The following RALA variants were observed in gnomAD, a reference collection of about 807,000 sequenced individuals.
RALA encodes the protein ras-related protein Ral-A.
RALA carries 5 observed loss-of-function variants against 24.0 expected under a neutral mutation model. That is an observed-to-expected ratio of 0.21 (90% CI 0.11 to 0.44). The LOEUF (loss-of-function observed/expected upper bound fraction) is 0.44. Among genes scored for constraint, RALA ranks in the 20% least tolerant of loss-of-function variants. The pLI, the probability that RALA is intolerant of heterozygous loss-of-function variation, is 0.99. For missense variants in RALA, 95 were observed against 241.2 expected, an observed-to-expected ratio of 0.39 and a Z score of 4.01; for synonymous variants, 77 against 83.8, an observed-to-expected ratio of 0.92 and a Z score of 0.44.
chr7:39,663,402 T>G (rs1487409468), intron 1 of RALA, among the ~76,000 whole-genome samples: 2 of 152,190 alleles, frequency 1.3e-5, no homozygotes, highest in Admixed American at 6.5e-5. Flanking sequence ...GTGTGAGCAG[T>G]TCATCTCTCC....
At chr7:39,636,250 A>C (rs956712422) in intron 1 of RALA, among the ~76,000 whole-genome samples, 3 of 152,180 alleles carry the variant, frequency 2.0e-5, no homozygotes, top group African/African-American at 7.2e-5. Flanking sequence ...TGGGTCGTAT[A>C]ATAACTCCCA....
At chr7:39,689,820 G>A (rs962734092) in intron 2 of RALA, among the ~76,000 whole-genome samples, 7 of 152,138 alleles carry the variant, frequency 4.6e-5, no homozygotes, top group Non-Finnish European at 1.0e-4. Flanking sequence ...GAGATTTATG[G>A]GGCTGACGAT....
At chr7:39,699,156 C>T (rs1394196563) in intron 4 of RALA, among the ~76,000 whole-genome samples, 10 of 69,758 alleles carry the variant, frequency 1.4e-4, no homozygotes, top group African/African-American at 5.0e-4. Flanking sequence ...TTTTTTGAGA[C>T]GGAGTCTCGC....
In RALA at chr7:39,707,395, C is replaced by A. The variant is rs1793136712; in HGVS notation, c.*1150C>A. Reference sequence around the variant, plus strand: ...GATACAGGAATTATTAGGAGTAATTCTTTTCTGTTTCTGTTTATAATGAAG... The same window carrying A: ...GATACAGGAATTATTAGGAGTAATTATTTTCTGTTTCTGTTTATAATGAAG... On this transcript the variant is annotated 3_prime_UTR_variant, in exon 5 of 5. Coordinates refer to ENST00000005257, the MANE Select transcript of RALA (RefSeq NM_005402.4). The A allele has an allele frequency of 6.6e-6, 1 of 152,136 alleles. No homozygotes were observed. The highest frequency in any genetic ancestry group is 2.4e-5 in the African/African-American group (1 of 41,414). The allele number at this position is 152,136 out of a possible 1,614,324, so 9.4% of individuals were successfully genotyped here. A position where few individuals can be genotyped will look rare whatever the true frequency, so the allele number is the denominator to read the frequency against.
chr7:39,647,040 G>A (rs2115958007), intron 1 of RALA, among the ~76,000 whole-genome samples: 1 of 152,128 alleles, frequency 6.6e-6, no homozygotes, highest in African/African-American at 2.4e-5. Flanking sequence ...CTTATGAACA[G>A]ATTCTTATTT....
chr7:39,665,561 G>T (rs898288351), intron 1 of RALA, among the ~76,000 whole-genome samples: 4 of 151,892 alleles, frequency 2.6e-5, no homozygotes, highest in African/African-American at 7.3e-5. Flanking sequence ...ACACTATACA[G>T]TAATGGATTA....
chr7:39,624,172 C>G (rs1357316928), intron 1 of RALA: 1 of 152,636 alleles, frequency 6.6e-6, no homozygotes. Flanking sequence ...TGGGGCAACC[C>G]GCTGCCGCCG....
At chr7:39,654,240 T>C (rs922496971) in intron 1 of RALA, among the ~76,000 whole-genome samples, 2 of 152,224 alleles carry the variant, frequency 1.3e-5, no homozygotes, top group East Asian at 1.9e-4. Context: ...TTATCAAATA[T>C]GCATTAAATT....
intron 1 of RALA, among the ~76,000 whole-genome samples, chr7:39,657,040 T>G (rs1792109130): frequency 6.6e-6 from 1 of 151,982 alleles, no homozygotes. Context: ...TGATCTCGGC[T>G]CACTACAACC....
intron 1 of RALA, among the ~76,000 whole-genome samples, chr7:39,648,408 T>G (rs1383929796): frequency 6.6e-6 from 1 of 152,078 alleles, no homozygotes; most frequent in Non-Finnish European, 1.5e-5. Flanking sequence ...TTCCATCAAC[T>G]TAATAGCTTT....
chr7:39,636,486 T>C (rs1791687810), intron 1 of RALA, among the ~76,000 whole-genome samples: 1 of 152,244 alleles, frequency 6.6e-6, no homozygotes. Context: ...TATTTTAGCA[T>C]ATCGTGTATG....
At chr7:39,651,254 A>G (rs1792015137) in intron 1 of RALA, among the ~76,000 whole-genome samples, 2 of 152,164 alleles carry the variant, frequency 1.3e-5, no homozygotes, top group Non-Finnish European at 2.9e-5. Flanking sequence ...TATTAAATGC[A>G]TTTTCGACTT....
chr7:39,640,491 T>C (rs59829073), intron 1 of RALA, among the ~76,000 whole-genome samples: 2,278 of 152,362 alleles, frequency 0.015, 41 homozygotes, highest in African/African-American at 0.05. Context: ...GGGTTATTTA[T>C]TTTCTTGTTA....
intron 1 of RALA, among the ~76,000 whole-genome samples, chr7:39,643,921 A>G (rs1791882292): frequency 6.6e-6 from 1 of 152,226 alleles, no homozygotes; most frequent in Admixed American, 6.5e-5. Context: ...AGAAGAATTC[A>G]GAGTTCCACA....
rs1363977379 is a variant in RALA at position 39,623,916 on chromosome 7, C to T, written c.-38+91C>T. ...GTCCGGGCGGCGGCGGGCCGAGGCC[C>T]TGACGCGGGTTCGGGCTGCCGAGAT... On this transcript the variant is annotated intron_variant, in intron 1 of 4. Transcript: ENST00000005257. This position sits in a 1 kb window ranked among gnomAD's most constrained non-coding sequence, Gnocchi z 4.9. 6.6e-6 allele frequency: 1 copy of T among 152,280 alleles called. No individual in the cohort carries two copies. The highest frequency in any genetic ancestry group is 1.5e-5 in the Non-Finnish European group (1 of 68,160). 9.4% of individuals were successfully genotyped at this position (152,280 alleles called of 1,614,324 possible).
chr7:39,701,347 C>CA (rs1394364511), intron 4 of RALA, among the ~76,000 whole-genome samples: 1 of 152,126 alleles, frequency 6.6e-6, no homozygotes, highest in East Asian at 1.9e-4. Context: ...CCTATCTCTA[C>CA]AAAAAATACA....
intron 1 of RALA, among the ~76,000 whole-genome samples, chr7:39,679,164 C>G (rs1169978513): frequency 6.6e-6 from 1 of 150,668 alleles, no homozygotes; most frequent in Non-Finnish European, 1.5e-5. Context: ...ACATATTATT[C>G]CATGTATCAG....
At chr7:39,680,516 C>T (rs1041788400) in intron 1 of RALA, among the ~76,000 whole-genome samples, 1 of 150,762 alleles carries the variant, frequency 6.6e-6, no homozygotes, top group African/African-American at 2.4e-5. Flanking sequence ...GCAGAGTTTG[C>T]AGTGAGCCGA....
At chr7:39,695,665 A>G (rs1792905972) in intron 3 of RALA, among the ~76,000 whole-genome samples, 1 of 152,032 alleles carries the variant, frequency 6.6e-6, no homozygotes, top group Non-Finnish European at 1.5e-5. Flanking sequence ...CAGCCTCCCA[A>G]AGTGCTGGGT....
Sources: allele counts gnomAD v4.1 joint callset (sites outside exome capture counted in the v4.1 genomes callset), GRCh38; gene constraint gnomAD v4.1.1; non-coding constraint Gnocchi (gnomAD v3.1); transcripts MANE v1.5; gene names NCBI Gene and HGNC (gene_info 2026-07-23, HGNC 2026-07-21).